Variants in CFAP47 observed in about 807,000 individuals in gnomAD.
CFAP47 encodes cilia- and flagella-associated protein 47.
Under a neutral mutation model 148.1 loss-of-function variants are expected in CFAP47, and 29 were observed. The ratio of observed to expected loss-of-function variants is 0.20; its 90% CI spans 0.15 to 0.27. The LOEUF is 0.27. Among genes scored for constraint, CFAP47 ranks in the 10% least tolerant of loss-of-function variants. The pLI is 1.00. For synonymous variants in CFAP47, 664 were observed against 577.3 expected (o/e 1.15, Z -2.15); for missense variants, 1,872 against 1,697.5 (o/e 1.10, Z -1.81).
intron 44 of CFAP47, among the ~76,000 whole-genome samples, chrX:36,203,517 G>A (rs183381847): frequency 1.8e-4 from 20 of 111,494 alleles, no homozygotes; most frequent in Admixed American, 1.7e-3. Flanking sequence ...CAGCATATGT[G>A]TTTATTATTA....
At chrX:36,325,906 GC>G (rs1476377333) in intron 57 of CFAP47, among the ~76,000 whole-genome samples, 1 of 111,322 alleles carries the variant, frequency 9.0e-6, no homozygotes, top group Admixed American at 9.6e-5. Flanking sequence ...TTACCTAGAA[GC>G]TTTGTTGTTT....
intron 57 of CFAP47, among the ~76,000 whole-genome samples, chrX:36,343,619 G>T (rs1285571045): frequency 1.8e-5 from 2 of 111,590 alleles, no homozygotes; most frequent in African/African-American, 6.5e-5. Context: ...CTACTCTAAA[G>T]ACACATGCAC....
At chrX:36,300,951 T>G (rs1556007699) in intron 52 of CFAP47, 121 bp from the exon 53 acceptor site, 1 of 435,311 alleles carries the variant, frequency 2.3e-6, no homozygotes, top group East Asian at 4.2e-5. Flanking sequence ...TGTTACAGAG[T>G]AGTTGTCAAA....
chrX:36,367,021 A>G lies in CFAP47; in HGVS notation c.9079A>G (p.Ile3027Val), dbSNP rs1941884284. Reference sequence around the variant, plus strand: ...AACAGAAGGGATCTGGAAGTTTCCCATAATGTTGATCGCTACTGAACCTGA... The same window carrying G: ...AACAGAAGGGATCTGGAAGTTTCCCGTAATGTTGATCGCTACTGAACCTGA... ...CVTEGIWKFP[I>V]MLIATEPDTD... The change falls in exon 62 of 64, where the codon ATA becomes GTA. Residue 3027 changes from isoleucine (I) to valine (V), a missense_variant. By Grantham distance (29) the Ile-to-Val change is conservative. Coordinates refer to ENST00000378653, the MANE Select transcript of CFAP47 (RefSeq NM_001304548.2). 2 of 1,156,157 alleles carry G rather than the reference A, an allele frequency of 1.7e-6. No individual in the cohort carries two copies. Among genetic ancestry groups the G allele is most frequent in the South Asian group, 1.9e-5 (1 of 51,804 alleles).
intron 16 of CFAP47, 29 bp from the exon 17 acceptor site, chrX:35,991,792 T>C: frequency 3.4e-6 from 1 of 295,000 alleles, no homozygotes; most frequent in Non-Finnish European, 5.9e-6. Flanking sequence ...AATTCAATTG[T>C]GTTTTTTCTT....
At chrX:36,199,401 C>T (rs1436675865) in intron 42 of CFAP47, among the ~76,000 whole-genome samples, 4 of 112,118 alleles carry the variant, frequency 3.6e-5, no homozygotes, top group South Asian at 3.6e-4. Flanking sequence ...TGTTGCTGCC[C>T]TTGCATTATT....
intron 22 of CFAP47, among the ~76,000 whole-genome samples, chrX:36,019,377 G>C (rs971124087): frequency 8.9e-6 from 1 of 111,855 alleles, no homozygotes; most frequent in Non-Finnish European, 1.9e-5. Context: ...AACTTCTGCC[G>C]ACCTCCTCCC....
chrX:36,187,744 C>T (rs1555985891), intron 40 of CFAP47, among the ~76,000 whole-genome samples: 1 of 111,510 alleles, frequency 9.0e-6, no homozygotes, highest in Non-Finnish European at 1.9e-5. Flanking sequence ...CACAGAATAA[C>T]TGTAAGAAGT....
At chrX:36,373,534 T>C (rs1431403728) in intron 62 of CFAP47, among the ~76,000 whole-genome samples, 1 of 111,254 alleles carries the variant, frequency 9.0e-6, no homozygotes, top group Non-Finnish European at 1.9e-5. Flanking sequence ...TAGATGATAG[T>C]ATTTCTTCCT....
rs1389880530 is a variant in CFAP47, at chrX:36,243,086, C to T, written c.7332+6227C>T. Among the ~76,000 whole-genome samples, 9 of 111,395 alleles carry T rather than the reference C, an allele frequency of 8.1e-5. No individual in the cohort carries two copies. The East Asian group carries it at 2.6e-3, about 32-fold the overall frequency. ...ACCAAGAATTTTATGTCCCACCCAACAAAGCTTCATAAGTGGAGAGATAAA... is the reference window on the plus strand; with the variant it reads ...ACCAAGAATTTTATGTCCCACCCAATAAAGCTTCATAAGTGGAGAGATAAA... On this transcript the variant is annotated intron_variant, in intron 48 of 63. Coordinates refer to ENST00000378653, the MANE Select transcript of CFAP47 (RefSeq NM_001304548.2).
intron 29 of CFAP47, among the ~76,000 whole-genome samples, chrX:36,084,211 C>T (rs1051992436): frequency 9.0e-6 from 1 of 110,995 alleles, no homozygotes; most frequent in Admixed American, 9.6e-5. Flanking sequence ...AAACCTGTGT[C>T]TTACAACTAT....
intron 51 of CFAP47, among the ~76,000 whole-genome samples, chrX:36,292,350 A>G (rs1221187698): frequency 8.9e-6 from 1 of 112,142 alleles, no homozygotes; most frequent in African/African-American, 3.2e-5. Flanking sequence ...GACCCAGATT[A>G]TAATGATCAC....
intron 18 of CFAP47, among the ~76,000 whole-genome samples, chrX:35,994,965 A>G (rs777815640): frequency 2.9e-4 from 32 of 111,869 alleles, no homozygotes; most frequent in Non-Finnish European, 9.4e-5. Flanking sequence ...AAAATACACT[A>G]TCATAAGTAT....
intron 3 of CFAP47, among the ~76,000 whole-genome samples, chrX:35,946,097 T>C (rs1936081757): frequency 9.1e-6 from 1 of 110,178 alleles, no homozygotes; most frequent in Non-Finnish European, 1.9e-5. Flanking sequence ...GGTCTCGAAC[T>C]CCTGACCTCA....
At position 36,353,554 on chromosome X, in the gene CFAP47, G is replaced by A; in HGVS notation, c.8724G>A (p.Lys2908=). The A allele has an allele frequency of 8.6e-7, 1 of 1,164,673 alleles. No homozygotes were observed. Among genetic ancestry groups the A allele is most frequent in the African/African-American group, 1.8e-5 (1 of 56,225 alleles). The part of the protein sequence containing the change: ...PPVVIQCQSR[K]RAEEKVEIIL... ...TTGTCATACAATGTCAGTCCAGGAA[G>A]CGGGCAGAAGAGAAGGTAGAAATCA... Residue 2908 remains lysine (K), a synonymous_variant, in exon 60 of 64, where the codon AAG becomes AAA. Coordinates refer to ENST00000378653, the MANE Select transcript of CFAP47 (RefSeq NM_001304548.2).
At chrX:36,320,905 C>A (rs782424922) in intron 57 of CFAP47, among the ~76,000 whole-genome samples, 1 of 111,700 alleles carries the variant, frequency 9.0e-6, no homozygotes, top group South Asian at 3.7e-4. Flanking sequence ...TTCTTTTGAC[C>A]TAGTAATGCC....
rs933283113 is a variant in CFAP47, at chrX:35,967,553, T to C, written c.1601-66T>C. 9.9e-6 allele frequency: 8 copies of C among 805,901 alleles called. No individual in the cohort carries two copies. In the Admixed American group the frequency reaches 1.7e-4, roughly 18 times the overall value. 66.4% of individuals were successfully genotyped at this position (805,901 alleles called of 1,213,427 possible). A position where few individuals can be genotyped will look rare whatever the true frequency, so the allele number is the denominator to read the frequency against. ...ATTGTCTAGTGTATTAATTAATTCA[T>C]GGTTATTGTTTTTAAAGTTGAAATT... On this transcript the variant is annotated intron_variant, in intron 9 of 63. Coordinates refer to ENST00000378653, the MANE Select transcript of CFAP47 (RefSeq NM_001304548.2).
intron 48 of CFAP47, among the ~76,000 whole-genome samples, chrX:36,250,759 C>T (rs1449594699): frequency 9.1e-6 from 1 of 110,254 alleles, no homozygotes; most frequent in Non-Finnish European, 1.9e-5. Context: ...AAGTCCACAT[C>T]GTACTGTTTA....
chrX:36,297,578 A>G (rs782232293), intron 51 of CFAP47, among the ~76,000 whole-genome samples: 3 of 111,523 alleles, frequency 2.7e-5, no homozygotes, highest in Non-Finnish European at 5.6e-5. Flanking sequence ...CATGGCTGAA[A>G]TGGGATGCTT....
Sources: gnomAD v4.1 joint callset for allele counts (sites outside exome capture counted in the v4.1 genomes callset) on GRCh38, gnomAD v4.1.1 for gene constraint, MANE v1.5 for transcripts, NCBI Gene and HGNC (gene_info 2026-07-23, HGNC 2026-07-21) for gene names.